Variants in CTNNAL1 observed in about 807,000 individuals in gnomAD.
CTNNAL1 encodes catenin alpha like 1.
CTNNAL1 carries 69 observed loss-of-function variants against 93.6 expected under a neutral mutation model. The observed-to-expected ratio is 0.74, with a 90% CI of 0.61 to 0.90. The LOEUF (loss-of-function observed/expected upper bound fraction) is 0.90, where lower values mean the gene tolerates loss of function less well. Ranked by LOEUF, CTNNAL1 falls within the 40% of genes least tolerant of loss-of-function variation. CTNNAL1 has a pLI of 0.00. For missense variants in CTNNAL1, 836 were observed against 862.0 expected (o/e 0.97, Z 0.38); for synonymous variants, 286 against 305.4 (o/e 0.94, Z 0.66).
chr9:108,971,136 T>C (rs1831104629), intron 9 of CTNNAL1, among the ~76,000 whole-genome samples: 2 of 152,198 alleles, frequency 1.3e-5, no homozygotes, highest in African/African-American at 4.8e-5. Context: ...ATTTATTAAA[T>C]GAAGAAGCTA....
chr9:108,990,792 G>A lies in CTNNAL1; in HGVS notation c.573C>T (p.Val191=), dbSNP rs768771718. The A allele has an allele frequency of 1.9e-6, 3 of 1,613,588 alleles. No homozygotes were observed. Among genetic ancestry groups the A allele is most frequent in the South Asian group, 2.2e-5 (2 of 90,932 alleles). The change falls in exon 4 of 19, where the codon GTC becomes GTT. Residue 191 remains valine, a synonymous_variant. Coordinates refer to ENST00000325551, the MANE Select transcript of CTNNAL1 (RefSeq NM_003798.4). ...CATTTCCAAATTGACTGAATATTTG[G>A]ACAAACTCTTGAAAGCTATTCACTT... The part of the protein sequence containing the change: ...LEKVNSFQEF[V]QIFSQFGNEM...
At chr9:108,968,263 T>G (rs1285564164) in intron 10 of CTNNAL1, among the ~76,000 whole-genome samples, 1 of 152,208 alleles carries the variant, frequency 6.6e-6, no homozygotes, top group African/African-American at 2.4e-5. Context: ...GCATGCTCAA[T>G]GTCCTTAAAT....
At chr9:109,010,926 C>A (rs990192650) in intron 1 of CTNNAL1, among the ~76,000 whole-genome samples, 1 of 152,234 alleles carries the variant, frequency 6.6e-6, no homozygotes, top group African/African-American at 2.4e-5. Context: ...TCATTTGACA[C>A]TTTGCATGTG....
chr9:108,992,194 A>G, intron 3 of CTNNAL1: 1 of 586,586 alleles, frequency 1.7e-6, no homozygotes, highest in Non-Finnish European at 3.0e-6. Flanking sequence ...GCTTTTACCA[A>G]TAAGCCTTAA....
At chr9:108,961,532 C>A (rs1348254817) in intron 11 of CTNNAL1, among the ~76,000 whole-genome samples, 1 of 152,108 alleles carries the variant, frequency 6.6e-6, no homozygotes, top group African/African-American at 2.4e-5. Flanking sequence ...AGGCGTTTCC[C>A]ACGTAAGAAG....
intron 8 of CTNNAL1, among the ~76,000 whole-genome samples, chr9:108,975,458 A>G (rs1831241076): frequency 6.6e-6 from 1 of 151,946 alleles, no homozygotes; most frequent in Non-Finnish European, 1.5e-5. Flanking sequence ...GTCACTAAAA[A>G]CCTTCTGCCT....
intron 3 of CTNNAL1, chr9:108,991,937 T>G: frequency 1.5e-6 from 1 of 658,636 alleles, no homozygotes. Flanking sequence ...ACTGGAAGAG[T>G]TTAAATCTGT....
At chr9:109,005,453 C>T (rs1049593749) in intron 1 of CTNNAL1, among the ~76,000 whole-genome samples, 3 of 152,030 alleles carry the variant, frequency 2.0e-5, no homozygotes, top group Non-Finnish European at 4.4e-5. Flanking sequence ...GAGGTGGGGC[C>T]TTTGGGAGAC....
chr9:108,954,721 T>C (rs908080749), intron 12 of CTNNAL1, among the ~76,000 whole-genome samples: 1 of 152,214 alleles, frequency 6.6e-6, no homozygotes, highest in African/African-American at 2.4e-5. Flanking sequence ...GTTCCTAATG[T>C]TGTATTTCAG....
intron 11 of CTNNAL1, among the ~76,000 whole-genome samples, chr9:108,961,192 C>T (rs912051080): frequency 6.6e-6 from 1 of 152,138 alleles, no homozygotes; most frequent in Non-Finnish European, 1.5e-5. Context: ...GTCATAACAG[C>T]AGCAAAGAGA....
intron 2 of CTNNAL1, among the ~76,000 whole-genome samples, chr9:108,998,182 G>C (rs1002377019): frequency 1.3e-5 from 2 of 152,238 alleles, no homozygotes; most frequent in South Asian, 2.1e-4. Flanking sequence ...AATGTCTAGA[G>C]CTATTTCTGG....
chr9:108,952,393 C>CT, intron 13 of CTNNAL1, 30 bp from the exon 14 acceptor site: 1 of 1,614,146 alleles, frequency 6.2e-7, no homozygotes. Flanking sequence ...ATCACAACGA[C>CT]TTTATCACTA....
At chr9:108,947,021 G>A (rs1830424942) in intron 15 of CTNNAL1, among the ~76,000 whole-genome samples, 1 of 151,822 alleles carries the variant, frequency 6.6e-6, no homozygotes. Flanking sequence ...TAATACTTCT[G>A]ATTATGTTGA....
intron 11 of CTNNAL1, among the ~76,000 whole-genome samples, chr9:108,962,338 A>G (rs914414514): frequency 3.3e-5 from 5 of 152,194 alleles, no homozygotes; most frequent in African/African-American, 1.2e-4. Context: ...TTACCCACAA[A>G]GACCCTAGTA....
intron 1 of CTNNAL1, among the ~76,000 whole-genome samples, chr9:109,004,876 G>A (rs1453456413): frequency 8.5e-5 from 13 of 152,148 alleles, no homozygotes; most frequent in Admixed American, 3.3e-4. Flanking sequence ...ACAGTTTATT[G>A]TAAGTGTTCA....
At chr9:108,972,860 G>GCCCCCCCCCCCCC in intron 8 of CTNNAL1, 27 bp from the exon 9 acceptor site, 1 of 353,506 alleles carries the variant, frequency 2.8e-6, no homozygotes, top group Non-Finnish European at 5.4e-6. Flanking sequence ...GGGTGGGGGG[G>GCCCCCCCCCCCCC]TGGGAGGGTG....
At chr9:109,003,573 CAGG>C (rs1826917955) in intron 1 of CTNNAL1, among the ~76,000 whole-genome samples, 2 of 152,182 alleles carry the variant, frequency 1.3e-5, no homozygotes, top group South Asian at 4.1e-4. Flanking sequence ...AACATTTGCC[CAGG>C]AGGAGTTCAG....
intron 2 of CTNNAL1, among the ~76,000 whole-genome samples, chr9:108,997,455 AAAAAC>A (rs1587986302): frequency 2.0e-5 from 3 of 152,354 alleles, no homozygotes; most frequent in East Asian, 3.8e-4. Flanking sequence ...CTTGTTTTGA[AAAAAC>A]AAAACAAAAC....
At chr9:108,969,184 C>T (rs1372585240) in intron 10 of CTNNAL1, among the ~76,000 whole-genome samples, 8 of 151,540 alleles carry the variant, frequency 5.3e-5, no homozygotes, top group Admixed American at 4.6e-4. Flanking sequence ...GCAGGAGAAT[C>T]GCTTGAACCT....
Sources: allele counts gnomAD v4.1 joint callset (sites outside exome capture counted in the v4.1 genomes callset), GRCh38; gene constraint gnomAD v4.1.1; transcripts MANE v1.5; gene names NCBI Gene and HGNC (gene_info 2026-07-23, HGNC 2026-07-21).